Variants in SNX29 observed in about 807,000 individuals in gnomAD.
SNX29 encodes the protein sorting nexin 29, also known as sorting nexin-29.
A neutral mutation model predicts 102.1 loss-of-function variants in SNX29; 78 were observed. The observed-to-expected ratio is 0.76, with a 90% confidence interval of 0.64 to 0.92. The LOEUF (loss-of-function observed/expected upper bound fraction) is 0.92, where lower values mean the gene tolerates loss of function less well. SNX29 is among the 40% of genes least tolerant of loss of function. The pLI is 0.00. For missense variants in SNX29, 1,280 were observed against 1,061.7 expected, an observed-to-expected ratio of 1.21 and a Z score of -2.86; for synonymous variants, 580 against 414.5, an observed-to-expected ratio of 1.40 and a Z score of -4.85.
intron 20 of SNX29, among the ~76,000 whole-genome samples, chr16:12,544,011 C>G (rs1225896579): frequency 1.3e-5 from 2 of 152,196 alleles, no homozygotes; most frequent in African/African-American, 2.4e-5. Context: ...TGCAAAAGCC[C>G]TGGACTCTAG....
intron 15 of SNX29, among the ~76,000 whole-genome samples, chr16:12,329,432 T>A (rs1270367453): frequency 6.6e-6 from 1 of 152,172 alleles, no homozygotes; most frequent in East Asian, 1.9e-4. Context: ...GCTGGCTTAC[T>A]GGGTTTTGTC....
intron 20 of SNX29, among the ~76,000 whole-genome samples, chr16:12,527,855 C>T (rs1200501907): frequency 8.4e-5 from 12 of 143,230 alleles, no homozygotes; most frequent in Middle Eastern, 3.7e-3. Context: ...GATGAAGTCT[C>T]GCTCTGTCGG....
At chr16:12,526,743 A>T (rs1192919044) in intron 20 of SNX29, 1 of 452,798 alleles carries the variant, frequency 2.2e-6, no homozygotes, top group Non-Finnish European at 4.2e-6. Flanking sequence ...TGAGAGTGTG[A>T]GCAGGAGGCG....
In SNX29 at chr16:12,405,470, C is replaced by G. The variant is rs140043196; in HGVS notation, c.2037+1941C>G. On this transcript the variant is annotated intron_variant, in intron 18 of 20. Coordinates refer to ENST00000566228, the MANE Select transcript of SNX29 (RefSeq NM_032167.5). Reference sequence around the variant, plus strand: ...AGCCTCAGGCCTGGCCGCTCTGCATCGCTGGGAGCAACTTCACTCCACGCC... The same window carrying G: ...AGCCTCAGGCCTGGCCGCTCTGCATGGCTGGGAGCAACTTCACTCCACGCC... Among the ~76,000 whole-genome samples the G allele has an allele frequency of 2.3e-4, 35 of 152,296 alleles. No individual in the cohort carries two copies. In the South Asian group the frequency reaches 6.4e-3, roughly 28 times the overall value.
In SNX29 at chr16:12,573,323, G is replaced by T. The variant is rs1339228874; in HGVS notation, c.*4694G>T. The T allele has an allele frequency of 8.8e-6, 2 of 226,154 alleles. No homozygotes were observed. Among genetic ancestry groups the T allele is most frequent in the Admixed American group, 1.1e-4 (2 of 17,476 alleles). The allele number at this position is 226,154 out of a possible 1,614,324, so 14.0% of individuals were successfully genotyped here. The stretch of plus-strand genomic sequence containing the variant: ...CTTATGGGCCCGATTTGGGTACTCT[G>T]AATTATGTCATGGAGTAGACAGTTA... On this transcript the variant is annotated 3_prime_UTR_variant, in exon 21 of 21. Coordinates refer to ENST00000566228, the MANE Select transcript of SNX29 (RefSeq NM_032167.5).
intron 15 of SNX29, among the ~76,000 whole-genome samples, chr16:12,323,947 A>T (rs1187359585): frequency 6.6e-6 from 1 of 152,160 alleles, no homozygotes; most frequent in African/African-American, 2.4e-5. Context: ...GAATATTTTC[A>T]ATTTGAAAAT....
At chr16:12,265,854 C>T (rs979093649) in intron 14 of SNX29, among the ~76,000 whole-genome samples, 2 of 152,090 alleles carry the variant, frequency 1.3e-5, no homozygotes, top group African/African-American at 4.8e-5. Flanking sequence ...TGTATCATTG[C>T]ACTCCAGTCA....
intron 3 of SNX29, among the ~76,000 whole-genome samples, chr16:12,006,079 C>G (rs927777266): frequency 1.3e-5 from 2 of 152,038 alleles, no homozygotes; most frequent in South Asian, 4.1e-4. Context: ...TGGCTCATGT[C>G]TGTAATCTCA....
rs536008514 is a variant in SNX29, at chr16:12,417,884, G to C, written c.2037+14355G>C. On this transcript the variant is annotated intron_variant, in intron 18 of 20. Coordinates refer to ENST00000566228, the MANE Select transcript of SNX29 (RefSeq NM_032167.5). ...CCTGGGAAGAGAAGCGCTGTATGCC[G>C]ACAGCGAGTGAGCTTTCTCTGCCTG... 3.9e-5 allele frequency among the ~76,000 whole-genome samples: 6 copies of C among 152,202 alleles called. No individual in the cohort carries two copies. In the South Asian group the frequency reaches 1.2e-3, roughly 32 times the overall value.
At chr16:11,987,760 C>G (rs918734668) in intron 1 of SNX29, among the ~76,000 whole-genome samples, 1 of 152,158 alleles carries the variant, frequency 6.6e-6, no homozygotes, top group Non-Finnish European at 1.5e-5. Context: ...ATGTATAGTG[C>G]GTTTCTCAGG....
chr16:12,010,959 G>A (rs886935407), intron 3 of SNX29, among the ~76,000 whole-genome samples: 1 of 151,844 alleles, frequency 6.6e-6, no homozygotes, highest in African/African-American at 2.4e-5. Flanking sequence ...TGTTTGTCAT[G>A]TGATTTTTAT....
intron 20 of SNX29, among the ~76,000 whole-genome samples, chr16:12,540,168 C>A (rs572682015): frequency 7.2e-4 from 110 of 152,118 alleles, no homozygotes; most frequent in Non-Finnish European, 1.4e-3. Flanking sequence ...ATCTGCGATT[C>A]ATTTTGAGTG....
At chr16:12,157,764 G>A (rs2055612819) in intron 13 of SNX29, among the ~76,000 whole-genome samples, 1 of 152,060 alleles carries the variant, frequency 6.6e-6, no homozygotes, top group Admixed American at 6.6e-5. Context: ...CTTGAGTGGT[G>A]CCCTATTCCC....
intron 20 of SNX29, chr16:12,560,716 A>C (rs1309169758): frequency 6.0e-6 from 1 of 165,568 alleles, no homozygotes; most frequent in Non-Finnish European, 1.3e-5. Flanking sequence ...CTCAGAGTGC[A>C]CACATTCAAC....
intron 20 of SNX29, among the ~76,000 whole-genome samples, chr16:12,561,529 C>G (rs1037328456): frequency 4.6e-5 from 7 of 152,160 alleles, no homozygotes; most frequent in South Asian, 4.2e-4. Context: ...AAAAGTTAGT[C>G]TCTCCTCGCA....
intron 15 of SNX29, among the ~76,000 whole-genome samples, chr16:12,317,115 C>G (rs1302023580): frequency 6.6e-6 from 1 of 152,212 alleles, no homozygotes; most frequent in East Asian, 1.9e-4. Flanking sequence ...TTTTCTCTTT[C>G]CACTTTCCTA....
chr16:12,106,197 A>C (rs905056274), intron 11 of SNX29, among the ~76,000 whole-genome samples: 2 of 152,314 alleles, frequency 1.3e-5, no homozygotes, highest in African/African-American at 2.4e-5. Context: ...GGAGGGACTG[A>C]AAAGCTCCCC....
chr16:12,393,792 G>A (rs904892334), intron 16 of SNX29, among the ~76,000 whole-genome samples: 5 of 152,246 alleles, frequency 3.3e-5, no homozygotes, highest in African/African-American at 1.2e-4. Flanking sequence ...GTGAGACCAT[G>A]AAGTCCTTGG....
intron 3 of SNX29, among the ~76,000 whole-genome samples, chr16:12,009,421 A>G (rs138687532): frequency 2.1e-3 from 311 of 151,516 alleles, no homozygotes; most frequent in Non-Finnish European, 2.9e-3. Flanking sequence ...ATATATGTAT[A>G]CATGTATATA....
Sources: allele counts gnomAD v4.1 joint callset (sites outside exome capture counted in the v4.1 genomes callset), GRCh38; gene constraint gnomAD v4.1.1; transcripts MANE v1.5; gene names NCBI Gene and HGNC (gene_info 2026-07-23, HGNC 2026-07-21).